Variants in PATJ observed in about 807,000 individuals in gnomAD.
The protein encoded by PATJ is inaD-like protein.
PATJ carries 190 observed loss-of-function variants against 224.9 expected under a neutral mutation model. That is an observed-to-expected ratio of 0.84 (90% CI 0.75 to 0.95). The LOEUF (loss-of-function observed/expected upper bound fraction) is 0.95, where lower values mean the gene tolerates loss of function less well. Ranked by LOEUF, PATJ falls within the 40% of genes least tolerant of loss-of-function variation. The pLI is 0.00. For missense variants in PATJ, 2,121 were observed against 2,270.3 expected, an observed-to-expected ratio of 0.93 and a Z score of 1.34; for synonymous variants, 769 against 820.3, an observed-to-expected ratio of 0.94 and a Z score of 1.07.
chr1:61,795,731 A>T (rs1168483694), intron 10 of PATJ, among the ~76,000 whole-genome samples, 173 bp downstream of exon 10: 1 of 151,990 alleles, frequency 6.6e-6, no homozygotes, highest in Non-Finnish European at 1.5e-5. Flanking sequence ...CCTACATTAA[A>T]TTTTTTTTCA....
chr1:61,943,641 A>G (rs1171433310), intron 27 of PATJ, among the ~76,000 whole-genome samples: 1 of 152,174 alleles, frequency 6.6e-6, no homozygotes, highest in Non-Finnish European at 1.5e-5. Context: ...CTGCCTCTGT[A>G]GACTCCACCT....
intron 33 of PATJ, among the ~76,000 whole-genome samples, chr1:62,107,166 C>T (rs1230786061): frequency 2.6e-5 from 4 of 151,948 alleles, no homozygotes; most frequent in African/African-American, 7.3e-5. Flanking sequence ...ATTAGCCGGA[C>T]GTGGTGGCGG....
chr1:61,849,625 A>G lies in PATJ; in HGVS notation c.2113-6405A>G, dbSNP rs113513672. Among the ~76,000 whole-genome samples the G allele has an allele frequency of 4.7e-3, 718 of 152,268 alleles. 9 individuals are homozygous for G. The highest frequency in any genetic ancestry group is 0.016 in the African/African-American group (661 of 41,558). On this transcript the variant is annotated intron_variant, in intron 17 of 43. Coordinates refer to ENST00000642238, the MANE Select transcript of PATJ (RefSeq NM_001350145.3). ...AAAAAAGAGACTCTATGAGTTAACCATATTTCCTCTCATGAGTTTAGTTGA... is the reference window on the plus strand; with the variant it reads ...AAAAAAGAGACTCTATGAGTTAACCGTATTTCCTCTCATGAGTTTAGTTGA...
At chr1:61,925,985 A>T (rs953832976) in intron 26 of PATJ, among the ~76,000 whole-genome samples, 5 of 152,264 alleles carry the variant, frequency 3.3e-5, no homozygotes, top group South Asian at 2.1e-4. Flanking sequence ...ATATGCAATG[A>T]CATTGAACAA....
intron 21 of PATJ, among the ~76,000 whole-genome samples, chr1:61,879,727 T>C (rs1667824455): frequency 6.6e-6 from 1 of 152,136 alleles, no homozygotes. Flanking sequence ...ATTCCCTCTT[T>C]TTCATCAAGC....
chr1:61,764,699 G>T (rs963074671), intron 3 of PATJ, among the ~76,000 whole-genome samples: 2 of 152,204 alleles, frequency 1.3e-5, no homozygotes, highest in Non-Finnish European at 2.9e-5. Context: ...TTTTGTGAGT[G>T]ATTTGTTTAT....
In PATJ at chr1:62,114,227, C is replaced by A; in HGVS notation, c.4636C>A (p.Leu1546Met). 6 of 1,614,052 alleles carry A rather than the reference C, an allele frequency of 3.7e-6. No individual in the cohort carries two copies. Among genetic ancestry groups the A allele is most frequent in the Non-Finnish European group, 5.1e-6 (6 of 1,179,968 alleles). ...GAAGAAAGCTGGCCGGGGCCTGGGC[C>A]TGAGCATCGTTGGGAAACGGTAAAG... ...LQKKAGRGLGLSIVGKRNGSG... is the reference protein window; with the variant it reads ...LQKKAGRGLGMSIVGKRNGSG... The change falls in exon 35 of 44, where the codon CTG (leucine) becomes ATG (methionine). Residue 1546 changes from leucine (L) to methionine (M), a missense_variant. Coordinates refer to ENST00000642238, the MANE Select transcript of PATJ (RefSeq NM_001350145.3).
At chr1:62,109,798 T>A (rs1374107961) in intron 34 of PATJ, among the ~76,000 whole-genome samples, 5 of 152,212 alleles carry the variant, frequency 3.3e-5, no homozygotes, top group African/African-American at 1.2e-4. Flanking sequence ...ACATGTTCAT[T>A]ATCTTGAATG....
At position 61,810,699 on chromosome 1, in the gene PATJ, AAAATAAATAAATAAAT is replaced by A. The variant is rs141039243; in HGVS notation, c.1683+2201_1683+2216del. Among the ~76,000 whole-genome samples, 172 of 144,084 alleles carry A rather than the reference AAAATAAATAAATAAAT, an allele frequency of 1.2e-3. 1 individual carries two copies. The highest frequency in any genetic ancestry group is 3.9e-3 in the East Asian group (19 of 4,912). The allele number at this position is 144,084 out of a possible 152,430, so 94.5% of individuals were successfully genotyped here. On this transcript the variant is annotated intron_variant, in intron 14 of 43. Coordinates refer to ENST00000642238, the MANE Select transcript of PATJ (RefSeq NM_001350145.3). ...GCAACAGAGCGAGACTCTGTCTCAA[AAAATAAATAAATAAAT>A]AAATAAATAAATAAATAAATAAATA...
intron 14 of PATJ, among the ~76,000 whole-genome samples, chr1:61,817,187 G>A (rs1341792863): frequency 6.6e-6 from 1 of 152,198 alleles, no homozygotes; most frequent in African/African-American, 2.4e-5. Context: ...CAAATGCAAA[G>A]TGTTAGTTCA....
At chr1:62,098,363 A>AAAAAAAG (rs1258237659) in intron 33 of PATJ, among the ~76,000 whole-genome samples, 10 of 151,502 alleles carry the variant, frequency 6.6e-5, no homozygotes, top group African/African-American at 2.2e-4. Flanking sequence ...CATCTCAAAA[A>AAAAAAAG]AAAAAAGAAA....
At chr1:61,803,310 T>A (rs1652918562) in intron 12 of PATJ, among the ~76,000 whole-genome samples, 1 of 149,406 alleles carries the variant, frequency 6.7e-6, no homozygotes, top group Admixed American at 6.7e-5. Flanking sequence ...AAACATTCAA[T>A]TTTTTTTTTA....
At chr1:62,002,477 C>T (rs181171591) in intron 28 of PATJ, among the ~76,000 whole-genome samples, 23 of 152,038 alleles carry the variant, frequency 1.5e-4, no homozygotes, top group Admixed American at 4.6e-4. Context: ...GAGGCTGAGG[C>T]GGGTGGATCA....
At chr1:61,897,705 C>T (rs552632969) in intron 22 of PATJ, among the ~76,000 whole-genome samples, 1 of 152,286 alleles carries the variant, frequency 6.6e-6, no homozygotes, top group East Asian at 1.9e-4. Flanking sequence ...CTGTGGCACA[C>T]AGTTCCCATT....
chr1:61,882,066 G>A (rs559847481), intron 21 of PATJ, among the ~76,000 whole-genome samples: 2 of 152,324 alleles, frequency 1.3e-5, no homozygotes, highest in African/African-American at 4.8e-5. Context: ...TTCTGTATAA[G>A]AGTGCTGCTC....
intron 29 of PATJ, among the ~76,000 whole-genome samples, chr1:62,023,752 T>C (rs1647241911): frequency 6.6e-6 from 1 of 152,224 alleles, no homozygotes; most frequent in Non-Finnish European, 1.5e-5. Flanking sequence ...AATCCTTCTT[T>C]AGGAAAGTAT....
chr1:61,907,016 T>C (rs1351110584), intron 24 of PATJ, among the ~76,000 whole-genome samples: 1 of 152,164 alleles, frequency 6.6e-6, no homozygotes, highest in Non-Finnish European at 1.5e-5. Context: ...TCTGCTGTTC[T>C]TGTGATAGTG....
chr1:62,071,137 A>T (rs1657320729), intron 31 of PATJ, among the ~76,000 whole-genome samples: 1 of 152,200 alleles, frequency 6.6e-6, no homozygotes, highest in Non-Finnish European at 1.5e-5. Flanking sequence ...AGTTAGTCTT[A>T]CTTACTCTAA....
chr1:61,799,951 C>A (rs1043888178), intron 11 of PATJ, among the ~76,000 whole-genome samples: 1 of 151,784 alleles, frequency 6.6e-6, no homozygotes, highest in African/African-American at 2.4e-5. Flanking sequence ...CTTTTTATGC[C>A]TATATATATA....
Sources: gnomAD v4.1 joint callset for allele counts (sites outside exome capture counted in the v4.1 genomes callset) on GRCh38, gnomAD v4.1.1 for gene constraint, MANE v1.5 for transcripts, NCBI Gene and HGNC (gene_info 2026-07-23, HGNC 2026-07-21) for gene names.